The following UBE2G1 variants were observed in gnomAD, a reference collection of about 807,000 sequenced individuals.
UBE2G1 encodes ubiquitin conjugating enzyme E2 G1.
A neutral mutation model predicts 22.7 loss-of-function variants in UBE2G1; 5 were observed. The observed-to-expected ratio is 0.22, with a 90% CI of 0.12 to 0.46. The LOEUF (loss-of-function observed/expected upper bound fraction) is 0.46, where lower values mean the gene tolerates loss of function less well. Among genes scored for constraint, UBE2G1 ranks in the 20% least tolerant of loss-of-function variants. The pLI is 0.99. For missense variants in UBE2G1, 88 were observed against 203.9 expected, an observed-to-expected ratio of 0.43 and a Z score of 3.46; for synonymous variants, 74 against 67.5, an observed-to-expected ratio of 1.10 and a Z score of -0.47.
intron 1 of UBE2G1, among the ~76,000 whole-genome samples, chr17:4,348,636 G>A (rs1252396083): frequency 1.3e-5 from 2 of 151,718 alleles, no homozygotes; most frequent in African/African-American, 4.8e-5. Context: ...GGCTGAAGTG[G>A]GTAGATCATG....
chr17:4,286,188 TGAGGTCAG>T, intron 4 of UBE2G1, among the ~76,000 whole-genome samples: 1 of 152,230 alleles, frequency 6.6e-6, no homozygotes, highest in Admixed American at 6.5e-5. Context: ...GTGGATCACC[TGAGGTCAG>T]GAGTTTGAGA....
At chr17:4,324,183 T>TC (rs1040266896) in intron 1 of UBE2G1, among the ~76,000 whole-genome samples, 5 of 152,238 alleles carry the variant, frequency 3.3e-5, no homozygotes, top group African/African-American at 1.2e-4. Flanking sequence ...ATCTATGACA[T>TC]ACTCTTGCCC....
intron 4 of UBE2G1, among the ~76,000 whole-genome samples, chr17:4,284,594 C>A (rs2143687477): frequency 6.6e-6 from 1 of 151,254 alleles, no homozygotes; most frequent in South Asian, 2.1e-4. Context: ...GAGCGAGAAT[C>A]TGTCTCAAAA....
At chr17:4,277,839 A>C (rs56208715) in intron 5 of UBE2G1, among the ~76,000 whole-genome samples, 75 of 152,344 alleles carry the variant, frequency 4.9e-4, no homozygotes, top group African/African-American at 1.7e-3. Flanking sequence ...GAGAAAAGCC[A>C]GCCTTCAAGA....
intron 1 of UBE2G1, among the ~76,000 whole-genome samples, chr17:4,319,346 A>G (rs1969410274): frequency 2.6e-5 from 4 of 152,220 alleles, no homozygotes. Flanking sequence ...GGTGGAACCA[A>G]CCAGGTTAGC....
At chr17:4,298,470 C>T (rs1331002518) in intron 2 of UBE2G1, among the ~76,000 whole-genome samples, 1 of 152,078 alleles carries the variant, frequency 6.6e-6, no homozygotes, top group East Asian at 1.9e-4. Context: ...TTTAATATAG[C>T]TTGAACTGTT....
At chr17:4,341,123 G>C (rs1321657863) in intron 1 of UBE2G1, among the ~76,000 whole-genome samples, 1 of 150,930 alleles carries the variant, frequency 6.6e-6, no homozygotes, top group Non-Finnish European at 1.5e-5. Flanking sequence ...TGAAAAGCCA[G>C]TATTTTCAGA....
rs1029861172 is a variant in UBE2G1, at chr17:4,271,401, T to A, written c.*1153A>T. ...TGGCACTCAGTATTATAGCCTTCAT[T>A]CAATACAATAAAAGCCAACAACTTG... is the stretch of plus-strand genomic sequence containing the variant. On this transcript the variant is annotated 3_prime_UTR_variant, in exon 6 of 6. Coordinates refer to ENST00000396981, the MANE Select transcript of UBE2G1 (RefSeq NM_003342.5). 4 of 152,612 alleles carry A rather than the reference T, an allele frequency of 2.6e-5. No homozygotes were observed. The allele number at this position is 152,612 out of a possible 1,614,324, so 9.5% of individuals were successfully genotyped here.
chr17:4,361,956 T>G (rs563512896), intron 1 of UBE2G1, among the ~76,000 whole-genome samples: 1 of 100,946 alleles, frequency 9.9e-6, no homozygotes, highest in Non-Finnish European at 1.8e-5. Context: ...AGCAAGACTG[T>G]CTCAAAAAAA....
intron 1 of UBE2G1, among the ~76,000 whole-genome samples, chr17:4,339,977 G>A (rs1002806159): frequency 3.9e-5 from 6 of 151,984 alleles, no homozygotes; most frequent in Non-Finnish European, 7.4e-5. Flanking sequence ...GGGGCTGCAC[G>A]GGCTGGAGTG....
intron 1 of UBE2G1, among the ~76,000 whole-genome samples, chr17:4,322,764 A>G (rs1234829726): frequency 2.6e-5 from 4 of 152,222 alleles, no homozygotes. Flanking sequence ...ATCACACATA[A>G]GACTGTTTCT....
At position 4,353,850 on chromosome 17, in the gene UBE2G1, C is replaced by G. The variant is rs1224580190; in HGVS notation, c.46+12421G>C. Among the ~76,000 whole-genome samples, 3 of 133,780 alleles carry G rather than the reference C, an allele frequency of 2.2e-5. No individual in the cohort carries two copies. The Admixed American group carries it at 2.4e-4, about 11-fold the overall frequency. 87.8% of individuals were successfully genotyped at this position (133,780 alleles called of 152,430 possible). A position where few individuals can be genotyped will look rare whatever the true frequency, so the allele number is the denominator to read the frequency against. ...TTTTTTTTTTTGAGACAGAGTCTCACTCAGTCACCCAGGCTGGAATGCAGT... is the reference window on the plus strand; with the variant it reads ...TTTTTTTTTTTGAGACAGAGTCTCAGTCAGTCACCCAGGCTGGAATGCAGT... On this transcript the variant is annotated intron_variant, in intron 1 of 5. Coordinates refer to ENST00000396981, the MANE Select transcript of UBE2G1 (RefSeq NM_003342.5).
intron 1 of UBE2G1, among the ~76,000 whole-genome samples, chr17:4,324,874 G>A (rs984170430): frequency 3.3e-5 from 5 of 151,998 alleles, no homozygotes; most frequent in Non-Finnish European, 5.9e-5. Context: ...TCAGGAGATC[G>A]AGACCATCCT....
chr17:4,360,073 T>C (rs1969950510), intron 1 of UBE2G1, among the ~76,000 whole-genome samples: 1 of 152,192 alleles, frequency 6.6e-6, no homozygotes, highest in Non-Finnish European at 1.5e-5. Context: ...ATTTGTACTT[T>C]TCTGTACCTG....
chr17:4,329,172 G>A (rs1969538621), intron 1 of UBE2G1, among the ~76,000 whole-genome samples: 1 of 150,394 alleles, frequency 6.6e-6, no homozygotes, highest in African/African-American at 2.5e-5. Context: ...GCCGAGGCAG[G>A]CGGATTGCCT....
chr17:4,330,180 A>T (rs1174487620), intron 1 of UBE2G1, among the ~76,000 whole-genome samples: 1 of 152,160 alleles, frequency 6.6e-6, no homozygotes, highest in Admixed American at 6.6e-5. Context: ...AACACCATCT[A>T]TAGTATGGGG....
chr17:4,309,183 T>C (rs1428040498), intron 1 of UBE2G1, among the ~76,000 whole-genome samples: 1 of 152,200 alleles, frequency 6.6e-6, no homozygotes, highest in East Asian at 1.9e-4. Context: ...TCACTTGAAC[T>C]GGAAGGCAGA....
At chr17:4,288,493 T>C (rs4357975) in intron 4 of UBE2G1, among the ~76,000 whole-genome samples, 51,703 of 151,976 alleles carry the variant, frequency 0.34, 8,963 homozygotes, top group Middle Eastern at 0.4. Flanking sequence ...CCCAAAGTGC[T>C]GGGATTACAG....
intron 1 of UBE2G1, among the ~76,000 whole-genome samples, chr17:4,316,489 G>A (rs1034863925): frequency 6.6e-6 from 1 of 152,012 alleles, no homozygotes; most frequent in Non-Finnish European, 1.5e-5. Context: ...CTGCAAAAAC[G>A]TTCCCGTCCT....
Sources: allele counts gnomAD v4.1 joint callset (sites outside exome capture counted in the v4.1 genomes callset), GRCh38; gene constraint gnomAD v4.1.1; transcripts MANE v1.5; gene names NCBI Gene and HGNC (gene_info 2026-07-23, HGNC 2026-07-21).